The following TLN2 variants were observed in gnomAD, a reference collection of about 807,000 sequenced individuals.
TLN2 encodes the protein talin 2.
A neutral mutation model predicts 294.7 loss-of-function variants in TLN2; 118 were observed. The ratio of observed to expected loss-of-function variants is 0.40; its 90% confidence interval spans 0.34 to 0.47. The LOEUF is 0.47. Ranked by LOEUF, TLN2 falls within the 20% of genes least tolerant of loss-of-function variation. TLN2 has a pLI of 0.84. For synonymous variants in TLN2, 1,431 were observed against 1,304.5 expected, an observed-to-expected ratio of 1.10 and a Z score of -2.09; for missense variants, 3,083 against 3,282.2, an observed-to-expected ratio of 0.94 and a Z score of 1.48.
At chr15:62,811,406 T>C (rs1444895712) in intron 52 of TLN2, among the ~76,000 whole-genome samples, 1 of 152,220 alleles carries the variant, frequency 6.6e-6, no homozygotes, top group Non-Finnish European at 1.5e-5. Context: ...AGTCTGTAAG[T>C]GTGCCTAGCA....
chr15:62,739,542 T>A lies in TLN2; in HGVS notation c.3882T>A (p.Ala1294=). The A allele has an allele frequency of 4.3e-6, 7 of 1,614,162 alleles. No homozygotes were observed. The highest frequency in any genetic ancestry group is 5.9e-6 in the Non-Finnish European group (7 of 1,180,014). Residue 1294 remains alanine, a synonymous_variant, in exon 31 of 59, where the codon GCT becomes GCA. Transcript: ENST00000636159. Reference sequence around the variant, plus strand: ...CTGGCATTGAGATGGCTGGCCAAGCTCAGGTGGGTGTGGAGGTGGTTGTCT... The same window carrying A: ...CTGGCATTGAGATGGCTGGCCAAGCACAGGTGGGTGTGGAGGTGGTTGTCT... The part of the protein sequence containing the change: ...LDAGIEMAGQ[A]QTKEDQIQVI...
intron 1 of TLN2, among the ~76,000 whole-genome samples, chr15:62,586,406 A>G (rs929362597): frequency 6.6e-6 from 1 of 152,240 alleles, no homozygotes; most frequent in African/African-American, 2.4e-5. Flanking sequence ...TTAGATTTGT[A>G]CTTTATATCC....
chr15:62,787,615 G>C (rs533235412), intron 45 of TLN2, among the ~76,000 whole-genome samples: 3 of 151,802 alleles, frequency 2.0e-5, no homozygotes, highest in African/African-American at 7.3e-5. Flanking sequence ...TAGTTCGTTG[G>C]ATCACCCTGT....
chr15:62,425,155 G>C (rs188795626), intron 1 of TLN2, among the ~76,000 whole-genome samples: 214 of 152,188 alleles, frequency 1.4e-3, no homozygotes, highest in African/African-American at 4.7e-3. Flanking sequence ...GTTATGCTGT[G>C]TTGGCCAGGC....
intron 1 of TLN2, among the ~76,000 whole-genome samples, chr15:62,428,371 T>G (rs1566963634): frequency 1.3e-5 from 2 of 152,358 alleles, no homozygotes; most frequent in East Asian, 3.9e-4. Flanking sequence ...TCTTTGTGGA[T>G]GCACAGACAT....
chr15:62,761,837 A>G lies in TLN2; in HGVS notation c.4779+16A>G. ...CAGCTCCGAGGTAGGGAGTGTTTAC[A>G]GGAACATCATACTAAGGTCTTTGGC... On this transcript the variant is annotated intron_variant, in intron 38 of 58. Transcript: ENST00000636159. 2 of 1,614,054 alleles carry G rather than the reference A, an allele frequency of 1.2e-6. No homozygotes were observed. Among genetic ancestry groups the G allele is most frequent in the Middle Eastern group, 1.6e-4 (1 of 6,062 alleles).
chr15:62,764,057 G>T (rs185215554), intron 40 of TLN2, among the ~76,000 whole-genome samples: 1 of 152,282 alleles, frequency 6.6e-6, no homozygotes, highest in Admixed American at 6.5e-5. Context: ...ATAATTCTCT[G>T]TTGTCGTATT....
chr15:62,395,120 T>G (rs551603768), intron 1 of TLN2, among the ~76,000 whole-genome samples: 1 of 151,582 alleles, frequency 6.6e-6, no homozygotes. Context: ...GGGTTTACCA[T>G]GTACTTTATG....
Position 62,574,579 on chromosome 15 carries a change from CAAAAAAAAAAAAAAAAAAAAAA to C in TLN2, c.-237-15089_-237-15068del, listed in dbSNP as rs56279063. Among the ~76,000 whole-genome samples, 121 of 46,484 alleles carry C rather than the reference CAAAAAAAAAAAAAAAAAAAAAA, an allele frequency of 2.6e-3. 2 individuals carry two copies. Among genetic ancestry groups the C allele is most frequent in the South Asian group, 0.014 (14 of 978 alleles). The allele number at this position is 46,484 out of a possible 152,430, so 30.5% of individuals were successfully genotyped here. ...TGGGCAACAGGATGAGACCCTGTCT[CAAAAAAAAAAAAAAAAAAAAAA>C]AAAAAAAAAAAAAAAAAAGACTATT... On this transcript the variant is annotated intron_variant, in intron 1 of 58. Coordinates refer to ENST00000636159, the MANE Select transcript of TLN2 (RefSeq NM_015059.3).
At chr15:62,417,856 G>A (rs562328673) in intron 1 of TLN2, among the ~76,000 whole-genome samples, 18 of 152,262 alleles carry the variant, frequency 1.2e-4, no homozygotes, top group South Asian at 2.1e-4. Context: ...CCCTTTTACC[G>A]CTCTGGTCCC....
intron 1 of TLN2, among the ~76,000 whole-genome samples, chr15:62,440,211 G>T (rs548227900): frequency 6.6e-6 from 1 of 152,132 alleles, no homozygotes; most frequent in South Asian, 2.1e-4. Context: ...GGCCTCTCAC[G>T]AACTTGATTC....
chr15:62,826,866 AAAT>A (rs1176422466), intron 54 of TLN2, among the ~76,000 whole-genome samples: 3 of 152,158 alleles, frequency 2.0e-5, no homozygotes, highest in Non-Finnish European at 2.9e-5. Context: ...ACACTTTAAA[AAAT>A]ATATATCCAA....
At chr15:62,525,761 A>G (rs552655371) in intron 1 of TLN2, among the ~76,000 whole-genome samples, 11 of 152,312 alleles carry the variant, frequency 7.2e-5, no homozygotes, top group African/African-American at 2.6e-4. Flanking sequence ...AGGTAGTGAA[A>G]GGGCAGCTGG....
chr15:62,522,114 C>T (rs2040491137), intron 1 of TLN2, among the ~76,000 whole-genome samples: 1 of 152,098 alleles, frequency 6.6e-6, no homozygotes, highest in Non-Finnish European at 1.5e-5. Context: ...GAAGACTGTT[C>T]AGTTGGTGGA....
At chr15:62,636,193 A>G (rs2050361743) in intron 3 of TLN2, among the ~76,000 whole-genome samples, 1 of 152,208 alleles carries the variant, frequency 6.6e-6, no homozygotes, top group Non-Finnish European at 1.5e-5. Context: ...AAGGATTTAC[A>G]TAACCTGTAG....
At chr15:62,755,497 A>G (rs774418414) in intron 36 of TLN2, 35 bp from the exon 37 acceptor site, 2 of 1,609,754 alleles carry the variant, frequency 1.2e-6, no homozygotes, top group South Asian at 1.1e-5. Context: ...GCACTGTAGC[A>G]TGGGGTACCC....
chr15:62,395,654 A>AT (rs1251516568), intron 1 of TLN2, among the ~76,000 whole-genome samples: 2 of 152,230 alleles, frequency 1.3e-5, no homozygotes, highest in Non-Finnish European at 1.5e-5. Flanking sequence ...CTGTTGTAGG[A>AT]TTTTTTTCAG....
chr15:62,776,688 C>T, intron 42 of TLN2, 76 bp from the exon 43 acceptor site: 1 of 1,295,374 alleles, frequency 7.7e-7, no homozygotes, highest in African/African-American at 1.5e-5. Flanking sequence ...TTATATTCTA[C>T]TTTTGAAGGT....
At chr15:62,776,621 C>T in intron 42 of TLN2, 143 bp from the exon 43 acceptor site, 1 of 824,560 alleles carries the variant, frequency 1.2e-6, no homozygotes, top group Non-Finnish European at 1.6e-6. Context: ...AATGGCCAAA[C>T]ATAAAGAAAG....
Sources: gnomAD v4.1 joint callset for allele counts (sites outside exome capture counted in the v4.1 genomes callset) on GRCh38, gnomAD v4.1.1 for gene constraint, MANE v1.5 for transcripts, NCBI Gene and HGNC (gene_info 2026-07-23, HGNC 2026-07-21) for gene names.